Variants in ARMC2 observed in about 807,000 individuals in gnomAD.
ARMC2 encodes armadillo repeat-containing protein 2.
ARMC2 carries 67 observed loss-of-function variants against 90.3 expected under a neutral mutation model. The ratio of observed to expected loss-of-function variants is 0.74; its 90% CI spans 0.61 to 0.91. The LOEUF is 0.91. Ranked by LOEUF, ARMC2 falls within the 40% of genes least tolerant of loss-of-function variation. The probability of loss-of-function intolerance (pLI) is 0.00; values close to 1 mark genes in which losing one functional copy is unlikely to be tolerated. For missense variants in ARMC2, 920 were observed against 1,030.9 expected (o/e 0.89, Z 1.47); for synonymous variants, 393 against 393.0 (o/e 1.00, Z 0.00).
At chr6:108,930,592 C>CTTTTT (rs144870507) in intron 11 of ARMC2, among the ~76,000 whole-genome samples, 142 of 93,750 alleles carry the variant, frequency 1.5e-3, no homozygotes, top group Non-Finnish European at 1.8e-3. Context: ...TGCCCTGAAT[C>CTTTTT]TTTTTTTTTT....
At chr6:108,995,683 A>C in the ARMC2 span, among the ~76,000 whole-genome samples, 3 of 152,218 alleles carry the variant, frequency 2.0e-5, no homozygotes, top group African/African-American at 7.2e-5. Flanking sequence ...TGGGAGACCA[A>C]GGCAGGAGAA....
the ARMC2 span, among the ~76,000 whole-genome samples, chr6:109,017,507 G>A: frequency 1.3e-5 from 2 of 152,028 alleles, no homozygotes; most frequent in South Asian, 2.1e-4. Flanking sequence ...GGATGGTCTC[G>A]ATCTCCTCAC....
intron 12 of ARMC2, among the ~76,000 whole-genome samples, chr6:108,938,542 T>G (rs1435081769): frequency 1.3e-5 from 2 of 150,702 alleles, no homozygotes; most frequent in Non-Finnish European, 1.5e-5. Flanking sequence ...TTTATATATT[T>G]TATTTTATAA....
chr6:109,041,270 C>A, the ARMC2 span, among the ~76,000 whole-genome samples: 2 of 151,742 alleles, frequency 1.3e-5, no homozygotes, highest in African/African-American at 4.8e-5. Flanking sequence ...TGTGATTGTG[C>A]CAGTCTGGGT....
the ARMC2 span, among the ~76,000 whole-genome samples, chr6:109,024,385 T>C: frequency 2.0e-5 from 3 of 152,034 alleles, no homozygotes; most frequent in African/African-American, 7.2e-5. Context: ...AAAGCAGAAA[T>C]AAGAACTTGG....
At chr6:109,040,546 G>A in the ARMC2 span, among the ~76,000 whole-genome samples, 1 of 151,698 alleles carries the variant, frequency 6.6e-6, no homozygotes, top group South Asian at 2.1e-4. Context: ...TACATCAGGT[G>A]TCCCACTACA....
At chr6:108,913,776 C>G (rs1357636569) in intron 10 of ARMC2, among the ~76,000 whole-genome samples, 1 of 152,106 alleles carries the variant, frequency 6.6e-6, no homozygotes, top group Non-Finnish European at 1.5e-5. Context: ...TCATTCTCTT[C>G]CCTCCCTGTT....
chr6:109,047,457 T>A, the ARMC2 span, among the ~76,000 whole-genome samples: 1 of 118,716 alleles, frequency 8.4e-6, no homozygotes, highest in Non-Finnish European at 1.8e-5. Flanking sequence ...AGCCGCCCCA[T>A]CCGGGAGGGA....
At chr6:109,039,598 A>G in the ARMC2 span, among the ~76,000 whole-genome samples, 5 of 152,240 alleles carry the variant, frequency 3.3e-5, no homozygotes, top group Non-Finnish European at 7.3e-5. Context: ...AAACATCTCA[A>G]GTGGAGGGGT....
chr6:108,943,036 G>A (rs1488250310), intron 12 of ARMC2, among the ~76,000 whole-genome samples: 1 of 152,196 alleles, frequency 6.6e-6, no homozygotes, highest in African/African-American at 2.4e-5. Flanking sequence ...GCCGTCCACA[G>A]AGGGGGAAAT....
At chr6:109,038,172 G>A in the ARMC2 span, among the ~76,000 whole-genome samples, 55 of 152,298 alleles carry the variant, frequency 3.6e-4, 1 homozygote, top group East Asian at 0.011. Flanking sequence ...TGGAGTCACT[G>A]GCTTGTATTT....
At chr6:108,936,261 T>G (rs1318600686) in intron 11 of ARMC2, among the ~76,000 whole-genome samples, 1 of 151,826 alleles carries the variant, frequency 6.6e-6, no homozygotes, top group Non-Finnish European at 1.5e-5. Flanking sequence ...TTTGTTTGTT[T>G]GTTTGTTTGT....
downstream of ARMC2, among the ~76,000 whole-genome samples, chr6:108,974,827 C>T (rs1778951746): frequency 6.6e-6 from 1 of 152,054 alleles, no homozygotes; most frequent in African/African-American, 2.4e-5. Context: ...GTAATCCCAA[C>T]ACTCTGGGAG....
At chr6:108,918,684 C>T (rs1774243741) in intron 10 of ARMC2, among the ~76,000 whole-genome samples, 1 of 152,140 alleles carries the variant, frequency 6.6e-6, no homozygotes, top group African/African-American at 2.4e-5. Flanking sequence ...ATAAGCTGGC[C>T]TCTCAGCTGG....
chr6:108,978,941 T>C (rs990944211), downstream of ARMC2, among the ~76,000 whole-genome samples: 8 of 152,210 alleles, frequency 5.3e-5, no homozygotes, highest in Admixed American at 1.3e-4. Flanking sequence ...GGGTCTTGAC[T>C]CTATATCCAA....
rs528469399 is a variant in ARMC2 at position 108,935,020 on chromosome 6, AGT to A, written c.1497-1879_1497-1878del. 2.4e-3 allele frequency among the ~76,000 whole-genome samples: 363 copies of A among 152,052 alleles called. 1 individual carries two copies. Among genetic ancestry groups the A allele is most frequent in the South Asian group, 0.011 (52 of 4,816 alleles). ...AGGAAACTGAGACATAGAGAAGTTT[AGT>A]TATTTTCCCGAGATCACACAACTAG... On this transcript the variant is annotated intron_variant, in intron 11 of 17. Transcript: ENST00000392644.
chr6:109,012,880 C>T, the ARMC2 span, among the ~76,000 whole-genome samples: 2 of 151,666 alleles, frequency 1.3e-5, no homozygotes, highest in Non-Finnish European at 1.5e-5. Flanking sequence ...TTTGGGAGGC[C>T]GAGGCAGGGC....
At chr6:108,919,774 ATCC>A (rs1237713001) in intron 10 of ARMC2, among the ~76,000 whole-genome samples, 1 of 152,032 alleles carries the variant, frequency 6.6e-6, no homozygotes, top group African/African-American at 2.4e-5. Context: ...CTTCTCATTA[ATCC>A]TCATTCTTCT....
At chr6:108,945,946 C>G (rs1776773359) in intron 12 of ARMC2, among the ~76,000 whole-genome samples, 1 of 152,246 alleles carries the variant, frequency 6.6e-6, no homozygotes, top group African/African-American at 2.4e-5. Context: ...CTGCCTCCTG[C>G]CTGACAGGAG....
Sources: allele counts gnomAD v4.1 joint callset (sites outside exome capture counted in the v4.1 genomes callset), GRCh38; gene constraint gnomAD v4.1.1; transcripts MANE v1.5; gene names NCBI Gene and HGNC (gene_info 2026-07-23, HGNC 2026-07-21).